Variants in NCAPG observed in about 807,000 individuals in gnomAD.
The protein encoded by NCAPG is non-SMC condensin I complex subunit G.
Under a neutral mutation model 113.1 loss-of-function variants are expected in NCAPG, and 69 were observed. The ratio of observed to expected loss-of-function variants is 0.61; its 90% CI spans 0.50 to 0.75. The LOEUF (loss-of-function observed/expected upper bound fraction) is 0.75. Among genes scored for constraint, NCAPG ranks in the 30% least tolerant of loss-of-function variants. The pLI is 0.00. For missense variants in NCAPG, 1,058 were observed against 1,177.0 expected (o/e 0.90, Z 1.48); for synonymous variants, 370 against 415.8 (o/e 0.89, Z 1.34).
chr4:17,839,866 AGTTTGT>A, intron 17 of NCAPG, 29 bp downstream of exon 17: 1 of 1,563,130 alleles, frequency 6.4e-7, no homozygotes, highest in Non-Finnish European at 8.6e-7. Context: ...ACTCTAAATT[AGTTTGT>A]GTTTATATTT....
At chr4:17,813,217 A>G in intron 3 of NCAPG, 72 bp downstream of exon 3, 1 of 1,229,482 alleles carries the variant, frequency 8.1e-7, no homozygotes, top group South Asian at 1.5e-5. Flanking sequence ...GAAATTTTTT[A>G]TTATGGTCTA....
chr4:17,834,443 G>T lies in NCAPG; in HGVS notation c.2029G>T (p.Glu677Ter). The T allele has an allele frequency of 6.2e-7, 1 of 1,611,350 alleles. No individual in the cohort carries two copies. The highest frequency in any genetic ancestry group is 1.1e-5 in the South Asian group (1 of 90,698). Residue 677 changes from glutamate (E) to a stop codon, truncating the protein, a stop_gained, in exon 14 of 21, where the codon GAG becomes TAG. Coordinates refer to ENST00000251496, the MANE Select transcript of NCAPG (RefSeq NM_022346.5). LOFTEE classifies it high-confidence loss of function. ...AGGTACAGAAATAAACAGTGATGAT[G>T]AGCAAGAATCAAAAGAAGTTGAAGA... ...CEGTEINSDD[E>*]QESKEVEETA...
chr4:17,815,193 A>T, intron 4 of NCAPG, 81 bp from the exon 5 acceptor site: 1 of 1,340,556 alleles, frequency 7.5e-7, no homozygotes, highest in East Asian at 2.4e-5. Flanking sequence ...GATTCTGGGT[A>T]ATTTTCTAAG....
chr4:17,815,983 C>T (rs16895804), intron 5 of NCAPG, among the ~76,000 whole-genome samples: 7,438 of 151,912 alleles, frequency 0.049, 615 homozygotes, highest in African/African-American at 0.17. Context: ...AATGCTGTTC[C>T]TTATGTGTAT....
intron 3 of NCAPG, among the ~76,000 whole-genome samples, chr4:17,814,047 T>C (rs968521740): frequency 6.6e-6 from 1 of 152,170 alleles, no homozygotes; most frequent in African/African-American, 2.4e-5. Flanking sequence ...TAAATATATT[T>C]AAATATAAGA....
chr4:17,837,136 C>T (rs1259137176), intron 14 of NCAPG, 23 bp from the exon 15 acceptor site: 12 of 1,604,998 alleles, frequency 7.5e-6, no homozygotes, highest in Non-Finnish European at 9.4e-6. Context: ...TAAATTTCTT[C>T]TAATGAATGT....
chr4:17,818,791 A>G lies in NCAPG; in HGVS notation c.1118+703A>G, dbSNP rs552219986. On this transcript the variant is annotated intron_variant, in intron 7 of 20. Coordinates refer to ENST00000251496, the MANE Select transcript of NCAPG (RefSeq NM_022346.5). ...TTTTTAAAAAACAATTTGGATTACC[A>G]TAATTATACCTCTTAAGAAATTATT... is the stretch of plus-strand genomic sequence containing the variant. Among the ~76,000 whole-genome samples, 8 of 152,332 alleles carry G rather than the reference A, an allele frequency of 5.3e-5. No individual in the cohort carries two copies. In the East Asian group the frequency reaches 7.7e-4, roughly 15 times the overall value.
chr4:17,836,662 T>C (rs1014936174), intron 14 of NCAPG, among the ~76,000 whole-genome samples: 2 of 152,178 alleles, frequency 1.3e-5, no homozygotes, highest in African/African-American at 4.8e-5. Context: ...CAGTTGTCTT[T>C]TCCTTTGTCT....
At chr4:17,820,424 A>AC (rs1721406267) in intron 7 of NCAPG, among the ~76,000 whole-genome samples, 1 of 152,016 alleles carries the variant, frequency 6.6e-6, no homozygotes. Context: ...ACATAGTGAA[A>AC]CCCCGTCTCT....
In NCAPG at chr4:17,823,890, A is replaced by T. The variant is rs890569272; in HGVS notation, c.1383+120A>T. 10 of 777,460 alleles carry T rather than the reference A, an allele frequency of 1.3e-5. No individual in the cohort carries two copies. In the South Asian group the frequency reaches 1.8e-4, roughly 14 times the overall value. 48.2% of individuals were successfully genotyped at this position (777,460 alleles called of 1,614,324 possible). ...TTGTTTTAGGTTCGTCTCTTTAATGAGTTTTAAAATTTCTTAAAACCATTA... is the reference window on the plus strand; with the variant it reads ...TTGTTTTAGGTTCGTCTCTTTAATGTGTTTTAAAATTTCTTAAAACCATTA... On this transcript the variant is annotated intron_variant, in intron 9 of 20. Coordinates refer to ENST00000251496, the MANE Select transcript of NCAPG (RefSeq NM_022346.5).
rs78189953 is a variant in NCAPG, at chr4:17,811,909, G to A, written c.112-312G>A. Among the ~76,000 whole-genome samples, 15 of 152,226 alleles carry A rather than the reference G, an allele frequency of 9.9e-5. No individual in the cohort carries two copies. In the East Asian group the frequency reaches 2.9e-3, roughly 29 times the overall value. Reference sequence around the variant, plus strand: ...AAATATAAAAGCCAGTATTGATTTTGGGTTGTTGAAGAAGCGTATTTGTAA... The same window carrying A: ...AAATATAAAAGCCAGTATTGATTTTAGGTTGTTGAAGAAGCGTATTTGTAA... On this transcript the variant is annotated intron_variant, in intron 1 of 20. Transcript: ENST00000251496. This position sits in a 1 kb window ranked among gnomAD's most constrained non-coding sequence, Gnocchi z 5.3.
intron 7 of NCAPG, among the ~76,000 whole-genome samples, chr4:17,822,280 G>A (rs1003025112): frequency 3.5e-4 from 50 of 141,342 alleles, no homozygotes; most frequent in African/African-American, 1.3e-3. Context: ...TGCAACCCCT[G>A]CCTCCTGGAT....
chr4:17,823,070 T>G lies in NCAPG; in HGVS notation c.1206T>G (p.Gly402=), dbSNP rs368717240. The G allele has an allele frequency of 7.5e-6, 12 of 1,610,236 alleles. No homozygotes were observed. Among genetic ancestry groups the G allele is most frequent in the East Asian group, 4.5e-5 (2 of 44,536 alleles). The part of the protein sequence containing the change: ...IGNLMTKEFI[G]QQLILIIKSL... ...ATTTGATGACAAAAGAATTCATAGGTCAACAATTGATTCTAATTATTAAGT... is the reference window on the plus strand; with the variant it reads ...ATTTGATGACAAAAGAATTCATAGGGCAACAATTGATTCTAATTATTAAGT... The change falls in exon 8 of 21, where the codon GGT becomes GGG. Residue 402 remains glycine, a synonymous_variant. Transcript: ENST00000251496.
intron 6 of NCAPG, 30 bp from the exon 7 acceptor site, chr4:17,817,909 T>C: frequency 1.9e-6 from 3 of 1,557,492 alleles, no homozygotes; most frequent in Non-Finnish European, 2.6e-6. Context: ...AAGATCATGC[T>C]TTCTCTCACA....
intron 8 of NCAPG, 157 bp downstream of exon 8, chr4:17,823,280 T>C: frequency 1.7e-6 from 1 of 584,864 alleles, no homozygotes; most frequent in Non-Finnish European, 2.8e-6. Context: ...TATATACACA[T>C]ACATTTATAT....
chr4:17,817,125 A>G (rs1254118261), intron 5 of NCAPG, 136 bp from the exon 6 acceptor site: 7 of 623,020 alleles, frequency 1.1e-5, no homozygotes, highest in African/African-American at 1.9e-5. Context: ...AAATATATAT[A>G]TACATGCTTA....
rs760204529 is a variant in NCAPG, at chr4:17,839,625, AATAATC to A, written c.2467-42_2467-37del. 1.1e-5 allele frequency: 14 copies of A among 1,251,384 alleles called. No individual in the cohort carries two copies. The African/African-American group carries it at 1.9e-4, about 17-fold the overall frequency. 77.5% of individuals were successfully genotyped at this position (1,251,384 alleles called of 1,614,324 possible). ...ATTTGTTAGATGTGTAAGACTATATAATAATCATAATCATCTTCAATTTACAGAGAA... is the reference window on the plus strand; with the variant it reads ...ATTTGTTAGATGTGTAAGACTATATAATAATCATCTTCAATTTACAGAGAA... On this transcript the variant is annotated intron_variant, in intron 16 of 20. Transcript: ENST00000251496.
intron 19 of NCAPG, chr4:17,841,993 T>C (rs572066929): frequency 3.5e-5 from 8 of 229,478 alleles, no homozygotes; most frequent in South Asian, 1.3e-4. Flanking sequence ...ATAGAGGTAC[T>C]TCATTATAAC....
At chr4:17,817,587 A>G in intron 6 of NCAPG, 134 bp downstream of exon 6, 1 of 720,756 alleles carries the variant, frequency 1.4e-6, no homozygotes, top group East Asian at 2.8e-5. Flanking sequence ...TTTTAGTCTG[A>G]TGAATATCCT....
Sources: allele counts gnomAD v4.1 joint callset (sites outside exome capture counted in the v4.1 genomes callset), GRCh38; gene constraint gnomAD v4.1.1; non-coding constraint Gnocchi (gnomAD v3.1); transcripts MANE v1.5; gene names NCBI Gene and HGNC (gene_info 2026-07-23, HGNC 2026-07-21).